MICU3: variants seen among roughly 807,000 people sequenced by gnomAD.
MICU3 encodes calcium uptake protein 3, mitochondrial.
MICU3 carries 62 observed loss-of-function variants against 66.5 expected under a neutral mutation model. That is an observed-to-expected ratio of 0.93 (90% CI 0.76 to 1.15). The LOEUF is 1.15. MICU3 is among the 50% of genes most tolerant of loss of function. The probability of loss-of-function intolerance (pLI) is 0.00; values close to 1 mark genes in which losing one functional copy is unlikely to be tolerated. For synonymous variants in MICU3, 308 were observed against 240.7 expected (o/e 1.28, Z -2.59); for missense variants, 779 against 664.4 (o/e 1.17, Z -1.90).
At chr8:17,057,028 C>A (rs573485254) in intron 1 of MICU3, among the ~76,000 whole-genome samples, 5 of 152,322 alleles carry the variant, frequency 3.3e-5, no homozygotes, top group African/African-American at 1.2e-4. Flanking sequence ...TTTCTGTCAA[C>A]AGGTTAAGCT....
intron 4 of MICU3, among the ~76,000 whole-genome samples, chr8:17,078,158 T>TA (rs1246540411): frequency 3.3e-5 from 5 of 152,002 alleles, no homozygotes; most frequent in African/African-American, 1.2e-4. Context: ...TCTTCAACCA[T>TA]ATCAAAAAGT....
At chr8:17,078,508 T>C (rs1359492639) in intron 4 of MICU3, among the ~76,000 whole-genome samples, 2 of 152,122 alleles carry the variant, frequency 1.3e-5, no homozygotes, top group East Asian at 3.8e-4. Flanking sequence ...AAAAATTTAT[T>C]AATCTTTTTA....
intron 8 of MICU3, among the ~76,000 whole-genome samples, chr8:17,091,351 G>A (rs1277569090): frequency 3.9e-5 from 6 of 151,920 alleles, no homozygotes; most frequent in Non-Finnish European, 1.5e-5. Context: ...TTTCCCCAAG[G>A]ATCCTTAAGC....
At chr8:17,045,647 A>G (rs570890543) in intron 1 of MICU3, among the ~76,000 whole-genome samples, 3 of 152,302 alleles carry the variant, frequency 2.0e-5, no homozygotes, top group East Asian at 1.9e-4. Context: ...CCCTTTCCCC[A>G]TACTCTATCC....
intron 1 of MICU3, among the ~76,000 whole-genome samples, chr8:17,028,055 A>G (rs554168105): frequency 8.5e-5 from 13 of 152,340 alleles, no homozygotes; most frequent in African/African-American, 3.1e-4. Context: ...GGTCTGTTGC[A>G]TTAGAATGAG....
chr8:17,135,574 C>A, the MICU3 span, among the ~76,000 whole-genome samples: 1 of 151,980 alleles, frequency 6.6e-6, no homozygotes, highest in East Asian at 1.9e-4. Flanking sequence ...CAAACTAAGG[C>A]AAATGTGTCT....
intron 13 of MICU3, among the ~76,000 whole-genome samples, chr8:17,116,919 C>T (rs185458901): frequency 7.9e-5 from 12 of 152,178 alleles, no homozygotes; most frequent in Admixed American, 2.0e-4. Context: ...ATTAGCTTTT[C>T]GGACTTGTTA....
intron 1 of MICU3, among the ~76,000 whole-genome samples, chr8:17,040,945 T>G (rs1188986156): frequency 6.6e-6 from 1 of 152,160 alleles, no homozygotes; most frequent in Non-Finnish European, 1.5e-5. Flanking sequence ...AGACTAGGCC[T>G]TCAGGAGAAA....
intron 9 of MICU3, among the ~76,000 whole-genome samples, chr8:17,099,520 C>G (rs1034066096): frequency 1.3e-5 from 2 of 151,756 alleles, no homozygotes; most frequent in African/African-American, 4.8e-5. Flanking sequence ...CGCCCTTGCT[C>G]AGTTTTAAAG....
chr8:17,062,460 C>G (rs17624830), intron 1 of MICU3, among the ~76,000 whole-genome samples: 22,623 of 152,024 alleles, frequency 0.15, 2,249 homozygotes, highest in East Asian at 0.38. Context: ...TTGACTACTC[C>G]TGTAATGTTT....
chr8:17,090,247 C>T (rs1585437208), intron 7 of MICU3, among the ~76,000 whole-genome samples: 1 of 152,024 alleles, frequency 6.6e-6, no homozygotes, highest in Non-Finnish European at 1.5e-5. Context: ...CAAATCAAAC[C>T]GCATACTTCA....
At chr8:17,089,207 C>T (rs1799789461) in intron 7 of MICU3, among the ~76,000 whole-genome samples, 3 of 151,996 alleles carry the variant, frequency 2.0e-5, no homozygotes, top group Admixed American at 2.0e-4. Context: ...GCTATCAGAG[C>T]TCTTCCTTAA....
intron 1 of MICU3, among the ~76,000 whole-genome samples, chr8:17,050,021 C>T (rs1196749898): frequency 6.6e-6 from 1 of 152,032 alleles, no homozygotes; most frequent in Non-Finnish European, 1.5e-5. Context: ...CATGGGTGTG[C>T]CATAATTTAT....
intron 1 of MICU3, among the ~76,000 whole-genome samples, chr8:17,033,017 C>G: frequency 6.6e-6 from 1 of 152,132 alleles, no homozygotes; most frequent in East Asian, 1.9e-4. Context: ...CCTCCATGAA[C>G]CAGCTTTTCC....
At chr8:17,081,877 A>T (rs893734297) in intron 5 of MICU3, 137 bp downstream of exon 5, 22 of 564,484 alleles carry the variant, frequency 3.9e-5, no homozygotes, top group Admixed American at 1.1e-4. Context: ...AATGCTACAG[A>T]AAAATGCTAA....
At chr8:17,069,553 T>C (rs1819233441) in intron 2 of MICU3, 135 bp from the exon 3 acceptor site, 1 of 422,084 alleles carries the variant, frequency 2.4e-6, no homozygotes, top group Non-Finnish European at 4.4e-6. Flanking sequence ...GATCCAAATT[T>C]TGAGGTTAAA....
Position 17,027,440 on chromosome 8 carries a change from C to T in MICU3, c.161C>T (p.Ala54Val). The change falls in exon 1 of 15, where the codon GCG (alanine) becomes GTG (valine). Residue 54 changes from alanine to valine, a missense_variant. Coordinates refer to ENST00000318063, the MANE Select transcript of MICU3 (RefSeq NM_181723.3). The part of the protein sequence containing the change: ...SSREDEERAV[A>V]EAAWRRRRRW... ...CGAGAGGATGAGGAGAGGGCTGTGG[C>T]GGAGGCGGCATGGAGGCGGCGGCGG... The T allele has an allele frequency of 3.8e-6, 5 of 1,309,736 alleles. No homozygotes were observed. The highest frequency in any genetic ancestry group is 2.5e-5 in the South Asian group (1 of 40,740). 81.1% of individuals were successfully genotyped at this position (1,309,736 alleles called of 1,614,324 possible).
chr8:17,036,139 G>A (rs577300960), intron 1 of MICU3, among the ~76,000 whole-genome samples: 4 of 152,076 alleles, frequency 2.6e-5, no homozygotes, highest in Non-Finnish European at 5.9e-5. Flanking sequence ...CTTCCTTCTG[G>A]TGGGTTCGTG....
At chr8:17,064,904 G>A (rs1174405900) in intron 2 of MICU3, among the ~76,000 whole-genome samples, 1 of 151,960 alleles carries the variant, frequency 6.6e-6, no homozygotes, top group Non-Finnish European at 1.5e-5. Context: ...ATCACAATTG[G>A]CTGGTGGTAG....
Sources: allele counts gnomAD v4.1 joint callset (sites outside exome capture counted in the v4.1 genomes callset), GRCh38; gene constraint gnomAD v4.1.1; transcripts MANE v1.5; gene names NCBI Gene and HGNC (gene_info 2026-07-23, HGNC 2026-07-21).